Variants in ADGRA3 observed in about 807,000 individuals in gnomAD.
ADGRA3 encodes the protein adhesion G protein-coupled receptor A3.
In ADGRA3, 56 loss-of-function variants were observed where a neutral mutation model predicts 119.8. The ratio of observed to expected loss-of-function variants is 0.47; its 90% CI spans 0.38 to 0.58. The LOEUF is 0.58. ADGRA3 is among the 20% of genes least tolerant of loss of function. The pLI is 0.00. For missense variants in ADGRA3, 1,516 were observed against 1,649.0 expected (o/e 0.92, Z 1.40); for synonymous variants, 607 against 623.8 (o/e 0.97, Z 0.40).
At chr4:22,509,549 A>G (rs1719366170) in intron 1 of ADGRA3, among the ~76,000 whole-genome samples, 1 of 151,572 alleles carries the variant, frequency 6.6e-6, no homozygotes, top group Non-Finnish European at 1.5e-5. Context: ...CAGTTCACTC[A>G]GCATCTTCAC....
At chr4:22,421,389 G>A (rs560068097) in intron 11 of ADGRA3, among the ~76,000 whole-genome samples, 3 of 152,034 alleles carry the variant, frequency 2.0e-5, no homozygotes, top group South Asian at 2.1e-4. Context: ...GGAGCACTTC[G>A]AAGGAAACAA....
intron 2 of ADGRA3, chr4:22,473,020 T>G (rs1345072806): frequency 3.9e-5 from 6 of 152,140 alleles, no homozygotes; most frequent in Admixed American, 3.9e-4. Context: ...TAGACCTAAT[T>G]GCTAAGAAAA....
chr4:22,425,072 T>TAA (rs756972669), intron 10 of ADGRA3, among the ~76,000 whole-genome samples: 28 of 128,896 alleles, frequency 2.2e-4, no homozygotes, highest in Admixed American at 8.6e-4. Context: ...GAGACACTCT[T>TAA]AAAAAAAAAA....
At chr4:22,435,882 C>A (rs919359171) in intron 9 of ADGRA3, among the ~76,000 whole-genome samples, 22 of 152,214 alleles carry the variant, frequency 1.4e-4, no homozygotes, top group Non-Finnish European at 2.9e-4. Flanking sequence ...ATCTTTATTG[C>A]CATGCACTGC....
intron 10 of ADGRA3, among the ~76,000 whole-genome samples, chr4:22,434,969 AG>A (rs1421079926): frequency 6.6e-6 from 1 of 152,222 alleles, no homozygotes; most frequent in Non-Finnish European, 1.5e-5. Context: ...GATGAGCACG[AG>A]GATATGTGGA....
intron 1 of ADGRA3, among the ~76,000 whole-genome samples, chr4:22,514,001 C>A (rs1261298735): frequency 6.6e-6 from 1 of 151,788 alleles, no homozygotes; most frequent in Non-Finnish European, 1.5e-5. Flanking sequence ...TTTTCTGCAA[C>A]GCAAAATCAA....
intron 12 of ADGRA3, among the ~76,000 whole-genome samples, chr4:22,417,957 A>C (rs1164470081): frequency 1.3e-5 from 2 of 152,196 alleles, no homozygotes; most frequent in African/African-American, 4.8e-5. Flanking sequence ...TCTAAATTCT[A>C]GTCAGGTGAA....
chr4:22,508,653 C>G (rs1392291272), intron 1 of ADGRA3, among the ~76,000 whole-genome samples: 1 of 152,118 alleles, frequency 6.6e-6, no homozygotes, highest in Admixed American at 6.5e-5. Flanking sequence ...TCACTTTGCT[C>G]CTCTCTCCCT....
intron 4 of ADGRA3, among the ~76,000 whole-genome samples, chr4:22,449,214 G>GAGCCAGGACTGCAGCACTGCACTC (rs901283699): frequency 6.6e-6 from 1 of 151,620 alleles, no homozygotes; most frequent in Non-Finnish European, 1.5e-5. Flanking sequence ...AGGCTGCAGT[G>GAGCCAGGACTGCAGCACTGCACTC]AGCCAGGACT....
intron 1 of ADGRA3, among the ~76,000 whole-genome samples, chr4:22,498,421 C>A (rs1186150264): frequency 6.6e-6 from 1 of 150,526 alleles, no homozygotes; most frequent in Non-Finnish European, 1.5e-5. Context: ...GAGTTCAAGA[C>A]CAGCCAGACC....
chr4:22,453,563 A>C (rs1717136955), intron 4 of ADGRA3, among the ~76,000 whole-genome samples: 1 of 152,244 alleles, frequency 6.6e-6, no homozygotes, highest in African/African-American at 2.4e-5. Context: ...GTAACTTGAA[A>C]TACAAGAAAC....
chr4:22,471,416 C>T (rs936353236), intron 2 of ADGRA3, among the ~76,000 whole-genome samples: 5 of 152,034 alleles, frequency 3.3e-5, no homozygotes, highest in Non-Finnish European at 4.4e-5. Flanking sequence ...CCTCATGACA[C>T]GTAACAAACC....
At chr4:22,404,897 T>C (rs1714837406) in intron 14 of ADGRA3, among the ~76,000 whole-genome samples, 1 of 152,230 alleles carries the variant, frequency 6.6e-6, no homozygotes, top group African/African-American at 2.4e-5. Context: ...AAAGCTTCTA[T>C]TCCAGTACAG....
chr4:22,442,896 A>C, intron 6 of ADGRA3, 33 bp from the exon 7 acceptor site: 1 of 1,482,908 alleles, frequency 6.7e-7, no homozygotes, highest in African/African-American at 1.4e-5. Context: ...TCAGTAAACA[A>C]ATATAATTTC....
chr4:22,424,237 C>A lies in ADGRA3; in HGVS notation c.1559G>T (p.Arg520Leu), dbSNP rs372207735. The change falls in exon 11 of 19, where the codon CGC (arginine) becomes CTC (leucine). Residue 520 changes from arginine to leucine, a missense_variant. Transcript: ENST00000334304. Reference sequence around the variant, plus strand: ...ACCGGCTAGCCGGTAGGTAGCAATGCGCTGAAGACACTGCACAATCCTACT... The same window carrying A: ...ACCGGCTAGCCGGTAGGTAGCAATGAGCTGAAGACACTGCACAATCCTACT... ...ACSRIVQCLQ[R>L]IATYRLAGGA... The A allele has an allele frequency of 4.3e-6, 7 of 1,613,068 alleles. No homozygotes were observed. The highest frequency in any genetic ancestry group is 2.2e-5 in the South Asian group (2 of 90,974).
intron 11 of ADGRA3, among the ~76,000 whole-genome samples, chr4:22,423,855 G>A (rs193111538): frequency 5.3e-5 from 8 of 152,238 alleles, no homozygotes; most frequent in South Asian, 2.1e-4. Flanking sequence ...AAACACTTTC[G>A]GTGGATTAGA....
intron 1 of ADGRA3, among the ~76,000 whole-genome samples, chr4:22,484,566 C>T (rs1190635797): frequency 1.3e-5 from 2 of 150,076 alleles, no homozygotes; most frequent in African/African-American, 4.9e-5. Flanking sequence ...GATCACGCCA[C>T]TGCACTCTAG....
intron 2 of ADGRA3, among the ~76,000 whole-genome samples, chr4:22,470,242 AAAACTAGCTTCC>A (rs1205375800): frequency 6.6e-6 from 1 of 152,122 alleles, no homozygotes; most frequent in Non-Finnish European, 1.5e-5. Context: ...CCAAAACTAG[AAAACTAGCTTCC>A]AAGACACCAT....
intron 14 of ADGRA3, among the ~76,000 whole-genome samples, chr4:22,408,137 T>C (rs763942956): frequency 2.0e-5 from 3 of 152,010 alleles, no homozygotes; most frequent in Non-Finnish European, 4.4e-5. Flanking sequence ...CTACCTCACA[T>C]CATCAACAAA....
Sources: gnomAD v4.1 joint callset for allele counts (sites outside exome capture counted in the v4.1 genomes callset) on GRCh38, gnomAD v4.1.1 for gene constraint, MANE v1.5 for transcripts, NCBI Gene and HGNC (gene_info 2026-07-23, HGNC 2026-07-21) for gene names.